HECTD4: variants seen among roughly 807,000 people sequenced by gnomAD.
HECTD4 encodes the protein probable E3 ubiquitin-protein ligase HECTD4.
In HECTD4, 114 loss-of-function variants were observed where a neutral mutation model predicts 471.5. The ratio of observed to expected loss-of-function variants is 0.24; its 90% CI spans 0.21 to 0.28. The LOEUF is 0.28. HECTD4 is among the 10% of genes least tolerant of loss of function. The pLI, the probability that HECTD4 is intolerant of heterozygous loss-of-function variation, is 1.00. For synonymous variants in HECTD4, 2,012 were observed against 2,256.0 expected (o/e 0.89, Z 3.07); for missense variants, 3,866 against 5,651.5 (o/e 0.68, Z 10.13).
chr12:112,245,810 G>A (rs1394407255), intron 29 of HECTD4, among the ~76,000 whole-genome samples: 2 of 152,220 alleles, frequency 1.3e-5, no homozygotes, highest in African/African-American at 2.4e-5. Context: ...TGATTTTCCT[G>A]AGAGATGCAT....
At chr12:112,176,776 A>T in intron 64 of HECTD4, 74 bp from the exon 65 acceptor site, 1 of 1,147,530 alleles carries the variant, frequency 8.7e-7, no homozygotes. Context: ...ACAGCCTCAT[A>T]GTCATTCATT....
chr12:112,337,888 G>C (rs775700052), intron 1 of HECTD4, among the ~76,000 whole-genome samples: 5 of 152,142 alleles, frequency 3.3e-5, no homozygotes, highest in Non-Finnish European at 5.9e-5. Context: ...TGACACTCCT[G>C]GTAGAAATAG....
At chr12:112,282,617 A>T (rs1221064161) in intron 8 of HECTD4, among the ~76,000 whole-genome samples, 1 of 152,214 alleles carries the variant, frequency 6.6e-6, no homozygotes, top group Non-Finnish European at 1.5e-5. Flanking sequence ...GGTAAGAATA[A>T]GACTTCTCTG....
chr12:112,266,645 C>T (rs2034278363), intron 14 of HECTD4, among the ~76,000 whole-genome samples: 1 of 152,154 alleles, frequency 6.6e-6, no homozygotes, highest in Non-Finnish European at 1.5e-5. Flanking sequence ...CCATGCCCAG[C>T]TAATTGTTTT....
At chr12:112,197,063 T>G (rs553772743) in intron 55 of HECTD4, among the ~76,000 whole-genome samples, 9 of 152,158 alleles carry the variant, frequency 5.9e-5, no homozygotes, top group Non-Finnish European at 1.3e-4. Flanking sequence ...CCCAAAGTGC[T>G]GGGATTATAG....
At position 112,319,202 on chromosome 12, in the gene HECTD4, A is replaced by G. The variant is rs1451740428; in HGVS notation, c.695+23T>C. 1 of 1,535,320 alleles carries G rather than the reference A, an allele frequency of 6.5e-7. No individual in the cohort carries two copies. On this transcript the variant is annotated intron_variant, in intron 2 of 75. Coordinates refer to ENST00000682272, the MANE Select transcript of HECTD4 (RefSeq NM_001388303.1). The surrounding 1 kb of genome is among the most constrained non-coding windows in gnomAD (Gnocchi z 5.3). ...GTGGCAGTAGTCACAAGGTCACCAAATGATACATTCGATTTTCCTTACCTG... is the reference window on the plus strand; with the variant it reads ...GTGGCAGTAGTCACAAGGTCACCAAGTGATACATTCGATTTTCCTTACCTG...
intron 6 of HECTD4, among the ~76,000 whole-genome samples, chr12:112,308,195 C>T (rs1430370514): frequency 6.6e-6 from 1 of 152,054 alleles, no homozygotes; most frequent in Non-Finnish European, 1.5e-5. Flanking sequence ...AGGACAGGGT[C>T]CATACCTAAA....
intron 9 of HECTD4, among the ~76,000 whole-genome samples, chr12:112,275,919 T>C (rs2034516501): frequency 6.6e-6 from 1 of 152,192 alleles, no homozygotes; most frequent in Non-Finnish European, 1.5e-5. Context: ...ATATGAATAA[T>C]ATCCGTTCTT....
chr12:112,174,963 G>A (rs2031381343), intron 66 of HECTD4, among the ~76,000 whole-genome samples: 1 of 152,196 alleles, frequency 6.6e-6, no homozygotes, highest in Admixed American at 6.5e-5. Flanking sequence ...AGGGCAGGGT[G>A]ATTTCTGAAG....
chr12:112,325,791 A>G (rs1280103234), intron 1 of HECTD4, among the ~76,000 whole-genome samples: 1 of 151,728 alleles, frequency 6.6e-6, no homozygotes, highest in Non-Finnish European at 1.5e-5. Flanking sequence ...TTAATCACAC[A>G]TAACATATGT....
At chr12:112,283,340 G>A (rs376704510) in intron 7 of HECTD4, 38 bp from the exon 8 acceptor site, 14 of 1,507,260 alleles carry the variant, frequency 9.3e-6, no homozygotes, top group Non-Finnish European at 1.3e-5. Context: ...AATGATATCT[G>A]TTTCCATTTA....
At chr12:112,278,350 A>G (rs1215383006) in intron 9 of HECTD4, among the ~76,000 whole-genome samples, 2 of 152,168 alleles carry the variant, frequency 1.3e-5, no homozygotes, top group Non-Finnish European at 2.9e-5. Context: ...TGTGAGTTAT[A>G]TTTCAATAAA....
chr12:112,246,127 G>A (rs1224680770), intron 29 of HECTD4, among the ~76,000 whole-genome samples: 4 of 136,098 alleles, frequency 2.9e-5, no homozygotes, highest in Admixed American at 8.6e-5. Flanking sequence ...ATGAGACTCC[G>A]TCTCAAAAAA....
At chr12:112,223,464 G>A (rs993081679) in intron 44 of HECTD4, among the ~76,000 whole-genome samples, 2 of 152,020 alleles carry the variant, frequency 1.3e-5, no homozygotes, top group Non-Finnish European at 2.9e-5. Flanking sequence ...CTGTCTCCCA[G>A]GCTGGAGTGC....
At chr12:112,171,071 G>A (rs2031197943) in intron 68 of HECTD4, 46 bp downstream of exon 68, 2 of 1,534,168 alleles carry the variant, frequency 1.3e-6, no homozygotes, top group African/African-American at 1.4e-5. Context: ...TGTCTTGCAG[G>A]TCACCTCTCT....
At position 112,261,250 on chromosome 12, in the gene HECTD4, A is replaced by T. The variant is rs1294513751; in HGVS notation, c.2873+55T>A. ...ATTCTAAAAAGATTTAATTTCAATA[A>T]ACAAACTTTTCTTCCCACAGGGCAG... On this transcript the variant is annotated intron_variant, in intron 18 of 75. Transcript: ENST00000682272. 3 of 1,483,702 alleles carry T rather than the reference A, an allele frequency of 2.0e-6. No individual in the cohort carries two copies. The Admixed American group carries it at 6.6e-5, about 33-fold the overall frequency. The allele number at this position is 1,483,702 out of a possible 1,614,324, so 91.9% of individuals were successfully genotyped here.
In HECTD4 at chr12:112,213,599, T is replaced by C. The variant is rs537845034; in HGVS notation, c.7466-949A>G. Among the ~76,000 whole-genome samples the C allele has an allele frequency of 6.6e-6, 1 of 151,728 alleles. No individual in the cohort carries two copies. The highest frequency in any genetic ancestry group is 1.5e-5 in the Non-Finnish European group (1 of 67,950). On this transcript the variant is annotated intron_variant, in intron 48 of 75. Coordinates refer to ENST00000682272, the MANE Select transcript of HECTD4 (RefSeq NM_001388303.1). The surrounding 1 kb of genome is among the most constrained non-coding windows in gnomAD (Gnocchi z 4.0). ...TACTTGGGAGGCTGAGGCAGAAGAA[T>C]GGCGTGAACCCGGGAGGCGGAGGTT...
At chr12:112,327,240 C>T (rs565506383) in intron 1 of HECTD4, among the ~76,000 whole-genome samples, 3 of 152,138 alleles carry the variant, frequency 2.0e-5, no homozygotes, top group African/African-American at 7.2e-5. Flanking sequence ...CTGCTTGAAC[C>T]CGGGAGGTGG....
chr12:112,185,076 G>A lies in HECTD4; in HGVS notation c.9890C>T (p.Ser3297Phe), dbSNP rs1272477011. The change falls in exon 61 of 76, where the codon TCC becomes TTC. Residue 3297 changes from serine to phenylalanine, a missense_variant. Around this residue, in one of 16 missense-constraint regions of HECTD4, gnomAD observed 38 missense variants for 72.1 expected, o/e 0.53. Coordinates refer to ENST00000682272, the MANE Select transcript of HECTD4 (RefSeq NM_001388303.1). Reference sequence around the variant, plus strand: ...ACTCTGTGGGGTCTGTCCTGGGGAGGACGAGGAGGAGGAGGACGAGTCACT... The same window carrying A: ...ACTCTGTGGGGTCTGTCCTGGGGAGAACGAGGAGGAGGAGGACGAGTCACT... ...NLSDSSSSSS[S>F]SPGQTPQSPS... 6.3e-7 allele frequency: 1 copy of A among 1,582,406 alleles called. No individual in the cohort carries two copies. The highest frequency in any genetic ancestry group is 2.3e-5 in the East Asian group (1 of 43,508).
Sources: allele counts gnomAD v4.1 joint callset (sites outside exome capture counted in the v4.1 genomes callset), GRCh38; gene constraint gnomAD v4.1.1; regional missense constraint gnomAD v4.1.1; non-coding constraint Gnocchi (gnomAD v3.1); transcripts MANE v1.5; gene names NCBI Gene and HGNC (gene_info 2026-07-23, HGNC 2026-07-21).